The following LSAMP variants were observed in gnomAD, a reference collection of about 807,000 sequenced individuals.
LSAMP encodes limbic system associated membrane protein.
A neutral mutation model predicts 38.6 loss-of-function variants in LSAMP; 7 were observed. That is an observed-to-expected ratio of 0.18 (90% CI 0.10 to 0.34). The LOEUF is 0.34. Ranked by LOEUF, LSAMP falls within the 10% of genes least tolerant of loss-of-function variation. The pLI, the probability that LSAMP is intolerant of heterozygous loss-of-function variation, is 1.00. For synonymous variants in LSAMP, 154 were observed against 166.8 expected (o/e 0.92, Z 0.59); for missense variants, 313 against 420.0 (o/e 0.75, Z 2.23).
At chr3:116,271,437 C>G (rs2046971037) in intron 1 of LSAMP, among the ~76,000 whole-genome samples, 1 of 151,946 alleles carries the variant, frequency 6.6e-6, no homozygotes, top group Admixed American at 6.6e-5. Context: ...AGAGAAATAA[C>G]ACTCCAAGGA....
intron 1 of LSAMP, among the ~76,000 whole-genome samples, chr3:116,421,841 A>G (rs77411316): frequency 0.044 from 6,685 of 152,328 alleles, 198 homozygotes; most frequent in Non-Finnish European, 0.068. Context: ...GGAACCTAAA[A>G]TGGTGTAGTT....
chr3:116,090,323 A>T (rs993887826), intron 1 of LSAMP, among the ~76,000 whole-genome samples: 1 of 152,204 alleles, frequency 6.6e-6, no homozygotes, highest in Non-Finnish European at 1.5e-5. Flanking sequence ...CATACAGTGT[A>T]CTGACAGACC....
At position 116,372,755 on chromosome 3, in the gene LSAMP, C is replaced by T. The variant is rs954024933; in HGVS notation, c.155+72122G>A. On this transcript the variant is annotated intron_variant, in intron 1 of 6. Coordinates refer to ENST00000490035, the MANE Select transcript of LSAMP (RefSeq NM_002338.5). ...AATAGACATTTATCTAAAGAAGACA[C>T]AGAAATTACTAATAAGCACAGGAAA... is the stretch of plus-strand genomic sequence containing the variant. 5.3e-5 allele frequency among the ~76,000 whole-genome samples: 8 copies of T among 150,594 alleles called. No homozygotes were observed. In the South Asian group the frequency reaches 1.5e-3, roughly 28 times the overall value.
chr3:115,882,788 C>T (rs1292103774), intron 3 of LSAMP, among the ~76,000 whole-genome samples: 1 of 152,026 alleles, frequency 6.6e-6, no homozygotes, highest in Admixed American at 6.6e-5. Context: ...TCACCCCATT[C>T]TTATTTTTGG....
At position 115,959,604 on chromosome 3, in the gene LSAMP, C is replaced by A. The variant is rs145165976; in HGVS notation, c.514+59911G>T. Among the ~76,000 whole-genome samples, 83 of 152,196 alleles carry A rather than the reference C, an allele frequency of 5.5e-4. 1 individual carries two copies. Among genetic ancestry groups the A allele is most frequent in the African/African-American group, 1.3e-3 (54 of 41,518 alleles). ...ATAATCTTACTTTGCATCTAACTAG[C>A]CTTGTGACCTCAGATAACCTGCTTA... On this transcript the variant is annotated intron_variant, in intron 3 of 6. Coordinates refer to ENST00000490035, the MANE Select transcript of LSAMP (RefSeq NM_002338.5).
intron 6 of LSAMP, among the ~76,000 whole-genome samples, chr3:115,836,189 T>C (rs58065615): frequency 0.084 from 12,708 of 152,184 alleles, 1,687 homozygotes; most frequent in African/African-American, 0.28. Context: ...GCTTCTCAGC[T>C]TGTTATTACC....
chr3:115,994,886 A>T (rs1223024340), intron 3 of LSAMP, among the ~76,000 whole-genome samples: 1 of 152,038 alleles, frequency 6.6e-6, no homozygotes, highest in Non-Finnish European at 1.5e-5. Context: ...CTGGGGTGAT[A>T]ACCTATCACA....
intron 1 of LSAMP, among the ~76,000 whole-genome samples, chr3:116,266,975 A>T (rs1257404601): frequency 6.6e-6 from 1 of 152,170 alleles, no homozygotes; most frequent in Non-Finnish European, 1.5e-5. Context: ...TTTGCACTTT[A>T]CATGTGTCAA....
intron 1 of LSAMP, among the ~76,000 whole-genome samples, chr3:116,271,017 A>G (rs1470225684): frequency 6.6e-6 from 1 of 152,096 alleles, no homozygotes; most frequent in African/African-American, 2.4e-5. Flanking sequence ...ACATGCTAGA[A>G]GTGAGTCCTT....
intron 1 of LSAMP, among the ~76,000 whole-genome samples, chr3:116,117,858 T>G (rs1708786643): frequency 6.6e-6 from 1 of 152,250 alleles, no homozygotes; most frequent in African/African-American, 2.4e-5. Flanking sequence ...CTGGATGACC[T>G]GCCTGAGGTA....
chr3:115,836,107 T>C (rs1934772491), intron 6 of LSAMP, among the ~76,000 whole-genome samples: 1 of 152,214 alleles, frequency 6.6e-6, no homozygotes, highest in Non-Finnish European at 1.5e-5. Context: ...AAATGCACTC[T>C]GCCCTTATTT....
At chr3:115,873,296 T>C (rs1442542553) in intron 3 of LSAMP, among the ~76,000 whole-genome samples, 3 of 148,984 alleles carry the variant, frequency 2.0e-5, no homozygotes, top group Non-Finnish European at 4.4e-5. Context: ...GGCAGGGGAG[T>C]CATTTGAACC....
chr3:115,914,357 C>T (rs1257605272), intron 3 of LSAMP, among the ~76,000 whole-genome samples: 2 of 152,200 alleles, frequency 1.3e-5, no homozygotes, highest in African/African-American at 4.8e-5. Context: ...CATCCCGCAC[C>T]ACCTCAACCA....
At chr3:115,892,289 G>A (rs751454758) in intron 3 of LSAMP, among the ~76,000 whole-genome samples, 1 of 151,926 alleles carries the variant, frequency 6.6e-6, no homozygotes, top group Non-Finnish European at 1.5e-5. Context: ...TTCATTAAAT[G>A]ACATGTCCAA....
intron 3 of LSAMP, among the ~76,000 whole-genome samples, chr3:115,917,047 G>A (rs1309128294): frequency 1.3e-5 from 2 of 152,174 alleles, no homozygotes; most frequent in Non-Finnish European, 2.9e-5. Flanking sequence ...AGGAACAAGG[G>A]CCTCTGCTAA....
chr3:116,409,863 G>A (rs1455856981), intron 1 of LSAMP, among the ~76,000 whole-genome samples: 3 of 151,978 alleles, frequency 2.0e-5, no homozygotes, highest in Admixed American at 6.6e-5. Flanking sequence ...GCTTATTTAC[G>A]GAGGCATGCT....
chr3:116,442,789 G>GT (rs1559869874), intron 1 of LSAMP, among the ~76,000 whole-genome samples: 3 of 152,126 alleles, frequency 2.0e-5, no homozygotes, highest in Non-Finnish European at 4.4e-5. Flanking sequence ...TTTTCTCTCA[G>GT]AGTCCCTATT....
chr3:115,880,185 G>T (rs1015623535), intron 3 of LSAMP, among the ~76,000 whole-genome samples: 4 of 152,050 alleles, frequency 2.6e-5, no homozygotes, highest in Admixed American at 6.6e-5. Flanking sequence ...CACACTGATT[G>T]ATCCAAGAGA....
At chr3:115,906,353 A>G (rs911366008) in intron 3 of LSAMP, among the ~76,000 whole-genome samples, 1 of 152,122 alleles carries the variant, frequency 6.6e-6, no homozygotes, top group Non-Finnish European at 1.5e-5. Context: ...TTGTTTTTGC[A>G]TGTAAGTCCT....
Sources: allele counts gnomAD v4.1 joint callset (sites outside exome capture counted in the v4.1 genomes callset), GRCh38; gene constraint gnomAD v4.1.1; transcripts MANE v1.5; gene names NCBI Gene and HGNC (gene_info 2026-07-23, HGNC 2026-07-21).